SMYD4: variants seen among roughly 807,000 people sequenced by gnomAD.
SMYD4 encodes the protein protein-lysine N-methyltransferase SMYD4.
A neutral mutation model predicts 72.8 loss-of-function variants in SMYD4; 68 were observed. The observed-to-expected ratio is 0.93, with a 90% CI of 0.77 to 1.14. The LOEUF (loss-of-function observed/expected upper bound fraction) is 1.14. Among genes scored for constraint, SMYD4 ranks in the 50% most tolerant of loss-of-function variants. The pLI is 0.00. For missense variants in SMYD4, 984 were observed against 1,003.7 expected, an observed-to-expected ratio of 0.98 and a Z score of 0.27; for synonymous variants, 407 against 388.6, an observed-to-expected ratio of 1.05 and a Z score of -0.56.
At position 1,780,621 on chromosome 17, in the gene SMYD4, A is replaced by G. The variant is rs62088124; in HGVS notation, c.*665T>C. The G allele has an allele frequency of 0.3, 40,620 of 134,932 alleles. 6,086 individuals are homozygous for G. Among genetic ancestry groups the G allele is most frequent in the East Asian group, 0.42 (1,909 of 4,560 alleles). 8.4% of individuals were successfully genotyped at this position (134,932 alleles called of 1,614,324 possible). On this transcript the variant is annotated 3_prime_UTR_variant, in exon 11 of 11. Coordinates refer to ENST00000305513, the MANE Select transcript of SMYD4 (RefSeq NM_052928.3). ...CCACATCTGGCAGCAGAACCTCTTA[A>G]TATTTTTTTTTTTTCTTTGAGATGG...
At chr17:1,819,604 G>A (rs570941792) in intron 2 of SMYD4, among the ~76,000 whole-genome samples, 5 of 152,164 alleles carry the variant, frequency 3.3e-5, no homozygotes, top group East Asian at 3.9e-4. Context: ...AAAGGTTTGC[G>A]CATCTACTGA....
At chr17:1,790,342 AT>A (rs1908952658) in intron 5 of SMYD4, among the ~76,000 whole-genome samples, 2 of 152,184 alleles carry the variant, frequency 1.3e-5, no homozygotes. Context: ...TTAAGTATTG[AT>A]TTTTAAAAAT....
intron 3 of SMYD4, among the ~76,000 whole-genome samples, chr17:1,807,777 T>C (rs1320459645): frequency 6.6e-6 from 1 of 152,152 alleles, no homozygotes; most frequent in Non-Finnish European, 1.5e-5. Context: ...AAACACGGTG[T>C]GTGTGCAGGA....
At chr17:1,796,359 T>A (rs1279490496) in intron 5 of SMYD4, among the ~76,000 whole-genome samples, 3 of 141,466 alleles carry the variant, frequency 2.1e-5, no homozygotes, top group Non-Finnish European at 4.6e-5. Context: ...TGGTCTCAAA[T>A]TCCTGGGCTC....
intron 5 of SMYD4, among the ~76,000 whole-genome samples, chr17:1,796,639 G>A (rs1211372729): frequency 1.3e-5 from 2 of 152,034 alleles, no homozygotes; most frequent in South Asian, 2.1e-4. Context: ...GTTTCACCAC[G>A]TTGGCCAGGA....
At chr17:1,824,904 C>T (rs1911086127) in intron 2 of SMYD4, among the ~76,000 whole-genome samples, 1 of 152,108 alleles carries the variant, frequency 6.6e-6, no homozygotes, top group Admixed American at 6.6e-5. Context: ...CGATTACAGG[C>T]GTGAGCCACC....
intron 5 of SMYD4, among the ~76,000 whole-genome samples, chr17:1,798,133 A>G (rs1488682071): frequency 6.6e-6 from 1 of 151,002 alleles, no homozygotes; most frequent in Non-Finnish European, 1.5e-5. Context: ...AATCTTGTGC[A>G]TGTATTTTTT....
At position 1,783,405 on chromosome 17, in the gene SMYD4, C is replaced by T. The variant is rs762757617; in HGVS notation, c.2092G>A (p.Val698Met). 6.2e-7 allele frequency: 1 copy of T among 1,612,834 alleles called. No individual in the cohort carries two copies. Among genetic ancestry groups the T allele is most frequent in the Non-Finnish European group, 8.5e-7 (1 of 1,180,042 alleles). Residue 698 changes from valine (V) to methionine (M), a missense_variant, in exon 9 of 11, where the codon GTG (valine) becomes ATG (methionine). Coordinates refer to ENST00000305513, the MANE Select transcript of SMYD4 (RefSeq NM_052928.3). ...GCCAGGCCATCCGCGATCTCTCCCA[C>T]CACGGCGTGCTCTGCCCACAGGAAG... ...ESFLWAEHAV[V>M]GEIADGLARA...
At chr17:1,824,167 A>G (rs1911038860) in intron 2 of SMYD4, among the ~76,000 whole-genome samples, 2 of 151,902 alleles carry the variant, frequency 1.3e-5, no homozygotes, top group African/African-American at 4.8e-5. Context: ...ACATGGTAAA[A>G]CCCCGTCTCT....
At chr17:1,791,198 C>A (rs576354152) in intron 5 of SMYD4, among the ~76,000 whole-genome samples, 1 of 148,922 alleles carries the variant, frequency 6.7e-6, no homozygotes, top group Admixed American at 6.7e-5. Context: ...TGGGAAGTGA[C>A]AGGACACAGA....
chr17:1,817,346 T>C (rs181993296), intron 2 of SMYD4, among the ~76,000 whole-genome samples: 1 of 150,658 alleles, frequency 6.6e-6, no homozygotes, highest in African/African-American at 2.4e-5. Context: ...CCTAAAACTG[T>C]TTTTTTTTGA....
At chr17:1,791,608 C>T (rs1462744796) in intron 5 of SMYD4, among the ~76,000 whole-genome samples, 1 of 152,056 alleles carries the variant, frequency 6.6e-6, no homozygotes, top group Non-Finnish European at 1.5e-5. Flanking sequence ...TGAAAGTGAA[C>T]CTTGCTGGTG....
chr17:1,785,309 T>C lies in SMYD4; in HGVS notation c.1885-848A>G, dbSNP rs533974077. ...ATGGTGGTGGCGGGCGCCTGTAGTC[T>C]CACCTACTCGGGAGGCTGAGGCAGG... On this transcript the variant is annotated intron_variant, in intron 7 of 10. Coordinates refer to ENST00000305513, the MANE Select transcript of SMYD4 (RefSeq NM_052928.3). 8.0e-4 allele frequency among the ~76,000 whole-genome samples: 119 copies of C among 149,494 alleles called. 4 individuals are homozygous for C. Among genetic ancestry groups the C allele is most frequent in the Non-Finnish European group, 3.3e-4 (22 of 67,350 alleles).
At chr17:1,823,809 G>C (rs1190395558) in intron 2 of SMYD4, among the ~76,000 whole-genome samples, 1 of 152,100 alleles carries the variant, frequency 6.6e-6, no homozygotes, top group Non-Finnish European at 1.5e-5. Flanking sequence ...CTCTTCCCCT[G>C]GGGTGTTATT....
chr17:1,817,776 C>T (rs1030383223), intron 2 of SMYD4, among the ~76,000 whole-genome samples: 1 of 152,026 alleles, frequency 6.6e-6, no homozygotes, highest in Admixed American at 6.6e-5. Context: ...TACAATTGGC[C>T]GGGCACAGTG....
chr17:1,803,830 C>T (rs930239280), intron 4 of SMYD4, among the ~76,000 whole-genome samples: 1 of 151,316 alleles, frequency 6.6e-6, no homozygotes, highest in Non-Finnish European at 1.5e-5. Context: ...CAACACTATC[C>T]CATATGGTCA....
chr17:1,783,675 G>A (rs190016116), intron 8 of SMYD4, 199 bp from the exon 9 acceptor site: 62 of 880,400 alleles, frequency 7.0e-5, no homozygotes, highest in Middle Eastern at 7.2e-4. Flanking sequence ...GGAGAAAGGC[G>A]CTAGGGGAGG....
intron 5 of SMYD4, among the ~76,000 whole-genome samples, chr17:1,798,829 G>A (rs1182113033): frequency 2.0e-5 from 3 of 151,844 alleles, no homozygotes; most frequent in Non-Finnish European, 4.4e-5. Context: ...AACCTGGGAG[G>A]TGGAGGCTAC....
Position 1,781,022 on chromosome 17 carries a change from A to C in SMYD4, c.*264T>G. ...GCAACCTCCGCCTCCTGGGTTCAAG[A>C]GATTCTCCTGCCTCAGCCTCCCAAG... On this transcript the variant is annotated 3_prime_UTR_variant, in exon 11 of 11. Transcript: ENST00000305513. The C allele has an allele frequency of 3.5e-6, 1 of 283,718 alleles. No homozygotes were observed. The highest frequency in any genetic ancestry group is 6.6e-6 in the Non-Finnish European group (1 of 150,532). The allele number at this position is 283,718 out of a possible 1,614,324, so 17.6% of individuals were successfully genotyped here.
Sources: allele counts gnomAD v4.1 joint callset (sites outside exome capture counted in the v4.1 genomes callset), GRCh38; gene constraint gnomAD v4.1.1; transcripts MANE v1.5; gene names NCBI Gene and HGNC (gene_info 2026-07-23, HGNC 2026-07-21).